COL6A6: variants seen among roughly 807,000 people sequenced by gnomAD.
COL6A6 encodes the protein collagen type VI alpha 6 chain.
In COL6A6, 183 loss-of-function variants were observed where a neutral mutation model predicts 208.6. The observed-to-expected ratio is 0.88, with a 90% CI of 0.78 to 0.99. The LOEUF (loss-of-function observed/expected upper bound fraction) is 0.99, where lower values mean the gene tolerates loss of function less well. Ranked by LOEUF, COL6A6 falls within the 50% of genes least tolerant of loss-of-function variation. The probability of loss-of-function intolerance (pLI) is 0.00; values close to 1 mark genes in which losing one functional copy is unlikely to be tolerated. For synonymous variants in COL6A6, 973 were observed against 1,011.8 expected, an observed-to-expected ratio of 0.96 and a Z score of 0.73; for missense variants, 2,816 against 2,815.2, an observed-to-expected ratio of 1.00 and a Z score of -0.01.
chr3:130,649,603 C>T (rs1307143962), intron 33 of COL6A6, 41 bp downstream of exon 33: 3 of 1,505,924 alleles, frequency 2.0e-6, no homozygotes, highest in East Asian at 2.4e-5. Context: ...TCTTACTTAT[C>T]TTGCCTGTAT....
chr3:130,528,729 G>T (rs1222477385), intron 1 of COL6A6, among the ~76,000 whole-genome samples: 3 of 152,148 alleles, frequency 2.0e-5, no homozygotes, highest in Non-Finnish European at 4.4e-5. Flanking sequence ...CACCCATCAG[G>T]TTCCTATTTC....
rs868074184 is a variant in COL6A6 at position 130,662,302 on chromosome 3, A to G, written c.6496A>G (p.Ile2166Val). The change falls in exon 35 of 37, where the codon ATC becomes GTC. Residue 2166 changes from isoleucine to valine, a missense_variant. Transcript: ENST00000358511. The stretch of plus-strand genomic sequence containing the variant: ...GTTTGTGAAGTCCTTTATAAACTCA[A>G]TCAGGCGTAAGTCATAAAATCTGTT... ...VKFVKSFINS[I>V]RRAINKYPPI... is the part of the protein sequence containing the mutation. 4.3e-6 allele frequency: 7 copies of G among 1,612,158 alleles called. No homozygotes were observed. Among genetic ancestry groups the G allele is most frequent in the Middle Eastern group, 3.3e-4 (2 of 6,050 alleles).
At chr3:130,645,674 A>G (rs1451020747) in intron 32 of COL6A6, among the ~76,000 whole-genome samples, 3 of 152,214 alleles carry the variant, frequency 2.0e-5, no homozygotes, top group African/African-American at 7.2e-5. Context: ...AAGGCAGAAT[A>G]AAAGTGGGGA....
chr3:130,634,202 T>TAAAAAAAA (rs1177021616), intron 26 of COL6A6, among the ~76,000 whole-genome samples: 5 of 36,360 alleles, frequency 1.4e-4, no homozygotes, highest in African/African-American at 3.8e-4. Context: ...TATAAAATGT[T>TAAAAAAAA]AAAAAAAAAA....
At chr3:130,578,845 A>G (rs943791938) in intron 8 of COL6A6, among the ~76,000 whole-genome samples, 2 of 152,170 alleles carry the variant, frequency 1.3e-5, no homozygotes, top group African/African-American at 2.4e-5. Flanking sequence ...GCCGTTCTGC[A>G]GTGAGCATGG....
chr3:130,675,730 C>T lies in COL6A6; in HGVS notation c.*333C>T, dbSNP rs1346807200. Reference sequence around the variant, plus strand: ...TGGGTCAATGTTAATTCTTTTATCTCTGTCCAGTTCATTTTCTGCAAACCC... The same window carrying T: ...TGGGTCAATGTTAATTCTTTTATCTTTGTCCAGTTCATTTTCTGCAAACCC... On this transcript the variant is annotated 3_prime_UTR_variant, in exon 37 of 37. Transcript: ENST00000358511. 1 of 178,274 alleles carries T rather than the reference C, an allele frequency of 5.6e-6. No homozygotes were observed. The highest frequency in any genetic ancestry group is 1.2e-5 in the Non-Finnish European group (1 of 85,658). The allele number at this position is 178,274 out of a possible 1,614,324, so 11.0% of individuals were successfully genotyped here.
chr3:130,646,201 A>T (rs1290231852), intron 32 of COL6A6, among the ~76,000 whole-genome samples: 1 of 152,048 alleles, frequency 6.6e-6, no homozygotes, highest in Non-Finnish European at 1.5e-5. Flanking sequence ...TCCTGGGATA[A>T]TGTAAGGGGG....
At chr3:130,647,562 G>C (rs1055544261) in intron 32 of COL6A6, among the ~76,000 whole-genome samples, 4 of 152,198 alleles carry the variant, frequency 2.6e-5, no homozygotes, top group African/African-American at 7.2e-5. Flanking sequence ...TGAACAGTTT[G>C]ATTTGGGTTT....
At position 130,565,717 on chromosome 3, in the gene COL6A6, A is replaced by G; in HGVS notation, c.1282+103A>G. On this transcript the variant is annotated intron_variant, in intron 4 of 36. Transcript: ENST00000358511. ...TTGGCTTGGGAAGATGTGGATGGGAAGGATAAGTTCCTAATTCTTTTACTT... is the reference window on the plus strand; with the variant it reads ...TTGGCTTGGGAAGATGTGGATGGGAGGGATAAGTTCCTAATTCTTTTACTT... 3 of 1,315,134 alleles carry G rather than the reference A, an allele frequency of 2.3e-6. No individual in the cohort carries two copies. In the East Asian group the frequency reaches 7.6e-5, roughly 33 times the overall value. 81.5% of individuals were successfully genotyped at this position (1,315,134 alleles called of 1,614,324 possible).
chr3:130,624,593 G>C (rs748279448), intron 24 of COL6A6, among the ~76,000 whole-genome samples: 1 of 152,128 alleles, frequency 6.6e-6, no homozygotes, highest in Non-Finnish European at 1.5e-5. Flanking sequence ...TGGTGTCACT[G>C]GTAAAAATCA....
chr3:130,582,907 A>G (rs1456272576), intron 10 of COL6A6, among the ~76,000 whole-genome samples: 1 of 152,160 alleles, frequency 6.6e-6, no homozygotes, highest in Non-Finnish European at 1.5e-5. Flanking sequence ...TCTAAATGAC[A>G]CCAGTGGTGT....
At chr3:130,541,579 A>G (rs2062364475) in intron 1 of COL6A6, among the ~76,000 whole-genome samples, 1 of 152,200 alleles carries the variant, frequency 6.6e-6, no homozygotes, top group Admixed American at 6.5e-5. Flanking sequence ...GCAATGAATC[A>G]GAGTTCATAT....
rs761945355 is a variant in COL6A6 at position 130,649,305 on chromosome 3, A to G, written c.5476A>G (p.Arg1826Gly). The change falls in exon 33 of 37, where the codon AGA becomes GGA. Residue 1826 changes from arginine (R) to glycine (G), a missense_variant. Arg to Gly is a moderately radical substitution (Grantham distance 125). Coordinates refer to ENST00000358511, the MANE Select transcript of COL6A6 (RefSeq NM_001102608.3). ...SDAYKKSQLL[R>G]EIETIPYERS... ...CGCCTACAAGAAGAGTCAACTTCTC[A>G]GAGAAATTGAAACTATTCCTTATGA... is the stretch of plus-strand genomic sequence containing the variant. The G allele has an allele frequency of 5.0e-5, 80 of 1,606,564 alleles. No homozygotes were observed. Among genetic ancestry groups the G allele is most frequent in the Admixed American group, 6.8e-5 (4 of 58,948 alleles).
intron 10 of COL6A6, among the ~76,000 whole-genome samples, chr3:130,583,283 C>T (rs1417235762): frequency 2.6e-5 from 4 of 152,106 alleles, no homozygotes; most frequent in Non-Finnish European, 5.9e-5. Flanking sequence ...TTTTTATTCT[C>T]TCTGGTCTTG....
intron 6 of COL6A6, among the ~76,000 whole-genome samples, chr3:130,570,118 C>A (rs1316273502): frequency 2.0e-5 from 3 of 152,190 alleles, no homozygotes; most frequent in African/African-American, 7.2e-5. Flanking sequence ...GGAACATGCT[C>A]CACATGGATT....
chr3:130,525,585 C>A (rs2061943338), intron 1 of COL6A6, among the ~76,000 whole-genome samples: 1 of 152,130 alleles, frequency 6.6e-6, no homozygotes, highest in African/African-American at 2.4e-5. Flanking sequence ...TTCCTCTATG[C>A]TCTCCCACAA....
intron 36 of COL6A6, among the ~76,000 whole-genome samples, chr3:130,672,101 G>A (rs1302620838): frequency 6.6e-6 from 1 of 152,202 alleles, no homozygotes; most frequent in Non-Finnish European, 1.5e-5. Flanking sequence ...AATCTTGTCT[G>A]CATTTTCTAT....
rs185419335 is a variant in COL6A6, at chr3:130,584,804, T to C, written c.3971-1702T>C. Among the ~76,000 whole-genome samples the C allele has an allele frequency of 1.1e-4, 17 of 151,862 alleles. 1 individual carries two copies. The South Asian group carries it at 3.5e-3, about 32-fold the overall frequency. ...TAATTTTTTGTATTTTCAGTAGAGATGGGGTTTCACTGTGTTAGCCAGGAT... is the reference window on the plus strand; with the variant it reads ...TAATTTTTTGTATTTTCAGTAGAGACGGGGTTTCACTGTGTTAGCCAGGAT... On this transcript the variant is annotated intron_variant, in intron 10 of 36. Coordinates refer to ENST00000358511, the MANE Select transcript of COL6A6 (RefSeq NM_001102608.3).
In COL6A6 at chr3:130,574,905, G is replaced by C. The variant is rs752704493; in HGVS notation, c.3547+380G>C. On this transcript the variant is annotated intron_variant, in intron 8 of 36. Transcript: ENST00000358511. ...GCTTGGCAATACGGCCTATAGGGCTGCCAAGAGCTGTGGTACAGGTAGGTA... is the reference window on the plus strand; with the variant it reads ...GCTTGGCAATACGGCCTATAGGGCTCCCAAGAGCTGTGGTACAGGTAGGTA... Among the ~76,000 whole-genome samples the C allele has an allele frequency of 1.6e-4, 24 of 152,192 alleles. 1 individual carries two copies. The highest frequency in any genetic ancestry group is 2.6e-4 in the Non-Finnish European group (18 of 68,036).
Sources: gnomAD v4.1 joint callset for allele counts (sites outside exome capture counted in the v4.1 genomes callset) on GRCh38, gnomAD v4.1.1 for gene constraint, MANE v1.5 for transcripts, NCBI Gene and HGNC (gene_info 2026-07-23, HGNC 2026-07-21) for gene names.